CRYBG2: variants seen among roughly 807,000 people sequenced by gnomAD.
CRYBG2 encodes the protein crystallin beta-gamma domain containing 2.
Under a neutral mutation model 153.4 loss-of-function variants are expected in CRYBG2, and 106 were observed. That is an observed-to-expected ratio of 0.69 (90% CI 0.59 to 0.81). The LOEUF (loss-of-function observed/expected upper bound fraction) is 0.81. Ranked by LOEUF, CRYBG2 falls within the 30% of genes least tolerant of loss-of-function variation. The pLI is 0.00. For synonymous variants in CRYBG2, 851 were observed against 877.8 expected (o/e 0.97, Z 0.54); for missense variants, 1,996 against 2,112.0 (o/e 0.95, Z 1.08).
At position 26,336,980 on chromosome 1, in the gene CRYBG2, C is replaced by T. The variant is rs1307348533; in HGVS notation, c.3772G>A (p.Asp1258Asn). The change falls in exon 11 of 20, where the codon GAC becomes AAC. Residue 1258 changes from aspartate (D) to asparagine (N), a missense_variant and splice_region_variant. Asp to Asn is a conservative substitution (Grantham distance 23, BLOSUM62 1). Transcript: ENST00000308182. This position sits in a 1 kb window ranked among gnomAD's most constrained non-coding sequence, Gnocchi z 4.9. ...AGCACGACGGCCGGGTCCCCGAAGT[C>T]CTGGGTCCCCAGGGACAGTCAGGTC... ...LLTSLRVIRT[D>N]FGDPAVVLFE... is the part of the protein sequence containing the mutation. 1.2e-6 allele frequency: 2 copies of T among 1,613,582 alleles called. No homozygotes were observed. The highest frequency in any genetic ancestry group is 3.3e-5 in the Admixed American group (2 of 59,976).
chr1:26,344,297 T>C lies in CRYBG2; in HGVS notation c.2361A>G (p.Arg787=), dbSNP rs1394096602. The change falls in exon 2 of 20, where the codon CGA becomes CGG. Residue 787 remains arginine (R), a synonymous_variant. Transcript: ENST00000308182. ...TGGACAGGTAGGAGGAGCGAGGGGC[T>C]CGTGGCAGCCGGTGAGTGCGGAGGA... ...PEILRTHRLP[R]APRSSYLSMY... is the part of the protein sequence containing the mutation. 1 of 1,513,156 alleles carries C rather than the reference T, an allele frequency of 6.6e-7. No individual in the cohort carries two copies. The highest frequency in any genetic ancestry group is 8.8e-7 in the Non-Finnish European group (1 of 1,132,164). The allele number at this position is 1,513,156 out of a possible 1,614,324, so 93.7% of individuals were successfully genotyped here.
intron 17 of CRYBG2, 121 bp from the exon 18 acceptor site, chr1:26,324,431 C>T: frequency 1.9e-6 from 2 of 1,077,306 alleles, no homozygotes; most frequent in Non-Finnish European, 2.6e-6. Flanking sequence ...GTCCCCAAAC[C>T]TTCCTTGACT....
intron 5 of CRYBG2, among the ~76,000 whole-genome samples, chr1:26,341,751 G>T (rs1216667121): frequency 1.3e-5 from 2 of 152,146 alleles, no homozygotes; most frequent in African/African-American, 4.8e-5. Flanking sequence ...CTCCCAAAGT[G>T]CTGGGATTAT....
At chr1:26,352,848 A>C (rs1030974943) in intron 1 of CRYBG2, among the ~76,000 whole-genome samples, 1 of 149,654 alleles carries the variant, frequency 6.7e-6, no homozygotes, top group Admixed American at 6.8e-5. Context: ...GGGGCATCCA[A>C]GCAGGTCTCA....
At position 26,343,612 on chromosome 1, in the gene CRYBG2, T is replaced by A; in HGVS notation, c.2913+133A>T. ...CCCAGAGAGATGTGGCTTGCACAGG[T>A]CAACTGAACCAGACTTCAGACAGAA... On this transcript the variant is annotated intron_variant, in intron 2 of 19. Coordinates refer to ENST00000308182, the MANE Select transcript of CRYBG2 (RefSeq NM_001039775.4). This position sits in a 1 kb window ranked among gnomAD's most constrained non-coding sequence, Gnocchi z 4.1. The A allele has an allele frequency of 8.3e-7, 1 of 1,198,082 alleles. No individual in the cohort carries two copies. The highest frequency in any genetic ancestry group is 1.1e-6 in the Non-Finnish European group (1 of 888,190). 74.2% of individuals were successfully genotyped at this position (1,198,082 alleles called of 1,614,324 possible). A position where few individuals can be genotyped will look rare whatever the true frequency, so the allele number is the denominator to read the frequency against.
chr1:26,347,241 C>A (rs1389697447), intron 1 of CRYBG2, among the ~76,000 whole-genome samples: 1 of 147,022 alleles, frequency 6.8e-6, no homozygotes, highest in Admixed American at 6.9e-5. Context: ...AAACTGGAGT[C>A]TTGCCAGAGT....
rs1240307765 is a variant in CRYBG2, at chr1:26,338,373, C to T, written c.3449G>A (p.Gly1150Asp). 1.2e-6 allele frequency: 2 copies of T among 1,609,770 alleles called. No homozygotes were observed. The highest frequency in any genetic ancestry group is 1.7e-6 in the Non-Finnish European group (2 of 1,178,256). Residue 1150 changes from glycine (G) to aspartate (D), a missense_variant, in exon 7 of 20, where the codon GGC becomes GAC. Transcript: ENST00000308182. ...TACCAATCTCATGGGCTTCAGGGAG[C>T]CCACGCTGGGGTCCGATGTGCCCCA... is the stretch of plus-strand genomic sequence containing the variant. Reference protein sequence around the residue: ...EAWGTSDPSVGSLKPMRLGCP... With the variant: ...EAWGTSDPSVDSLKPMRLGCP...
chr1:26,329,507 T>C (rs959502435), intron 15 of CRYBG2, among the ~76,000 whole-genome samples: 12 of 147,050 alleles, frequency 8.2e-5, no homozygotes. Flanking sequence ...TGAGATAGGG[T>C]CTCGCTCTGT....
rs144616589 is a variant in CRYBG2, at chr1:26,323,992, G to A, written c.4737+160C>T. Among the ~76,000 whole-genome samples, 55 of 152,290 alleles carry A rather than the reference G, an allele frequency of 3.6e-4. No individual in the cohort carries two copies. The East Asian group carries it at 0.01, about 28-fold the overall frequency. On this transcript the variant is annotated intron_variant, in intron 18 of 19. Transcript: ENST00000308182. ...TTTACAGACTGGGGCCCAGAGAAGA[G>A]CACGACTTGCCCAGGGGGAACAGTC... is the stretch of plus-strand genomic sequence containing the variant.
chr1:26,322,400 C>A, intron 18 of CRYBG2, 77 bp from the exon 19 acceptor site: 1 of 1,495,308 alleles, frequency 6.7e-7, no homozygotes. Flanking sequence ...CTTGACCCAT[C>A]TGCTCTGAAT....
Position 26,344,207 on chromosome 1 carries a change from G to A in CRYBG2, c.2451C>T (p.Pro817=), listed in dbSNP as rs1414544268. ...TCTCTTCCAGTGAAGGCACCTCCTG[G>A]GGTCCGGGGCCCAGCACCCATGGCC... is the stretch of plus-strand genomic sequence containing the variant. The part of the protein sequence containing the change: ...QLGPWVLGPG[P]QEVPSLEEKE... Residue 817 remains proline (P), a synonymous_variant, in exon 2 of 20, where the codon CCC becomes CCT. Coordinates refer to ENST00000308182, the MANE Select transcript of CRYBG2 (RefSeq NM_001039775.4). The A allele has an allele frequency of 4.0e-5, 61 of 1,535,628 alleles. No homozygotes were observed. Among genetic ancestry groups the A allele is most frequent in the Non-Finnish European group, 5.2e-5 (60 of 1,146,652 alleles).
intron 5 of CRYBG2, 33 bp from the exon 6 acceptor site, chr1:26,339,462 A>T: frequency 6.2e-7 from 1 of 1,611,254 alleles, no homozygotes; most frequent in Non-Finnish European, 8.5e-7. Flanking sequence ...AAATATAGAT[A>T]AACAGCCAGG....
rs760305735 is a variant in CRYBG2, at chr1:26,343,826, C to T, written c.2832G>A (p.Val944=). The T allele has an allele frequency of 2.7e-6, 4 of 1,466,652 alleles. No homozygotes were observed. The South Asian group carries it at 5.7e-5, about 21-fold the overall frequency. The allele number at this position is 1,466,652 out of a possible 1,614,324, so 90.9% of individuals were successfully genotyped here. Reference sequence around the variant, plus strand: ...TGCAAAGCAGGGGCAACTGTCCTGGCACCTTCCTGAGCCCCGGTGCCCCAT... The same window carrying T: ...TGCAAAGCAGGGGCAACTGTCCTGGTACCTTCCTGAGCCCCGGTGCCCCAT... The part of the protein sequence containing the change: ...LPHGAPGLRK[V]PGQLPLLCSE... Residue 944 remains valine (V), a synonymous_variant, in exon 2 of 20, where the codon GTG becomes GTA. Transcript: ENST00000308182. The surrounding 1 kb of genome is among the most constrained non-coding windows in gnomAD (Gnocchi z 4.1).
At chr1:26,327,969 AAG>A (rs2124693926) in intron 17 of CRYBG2, among the ~76,000 whole-genome samples, 1 of 151,910 alleles carries the variant, frequency 6.6e-6, no homozygotes, top group African/African-American at 2.4e-5. Context: ...AAGAAAAAGA[AAG>A]AGAAAAAAAA....
In CRYBG2 at chr1:26,324,328, C is replaced by T; in HGVS notation, c.4579-18G>A. ...ACCCGGCGCTGGTGGCAGAAAGAGG[C>T]TGAGAGTCAGGGGTGCCGGGGAGGG... is the stretch of plus-strand genomic sequence containing the variant. On this transcript the variant is annotated intron_variant, in intron 17 of 19. Transcript: ENST00000308182. 7 of 1,593,600 alleles carry T rather than the reference C, an allele frequency of 4.4e-6. No homozygotes were observed. The highest frequency in any genetic ancestry group is 6.0e-6 in the Non-Finnish European group (7 of 1,173,252).
Position 26,346,028 on chromosome 1 carries a change from G to A in CRYBG2, c.630C>T (p.Gly210=). 6.3e-7 allele frequency: 1 copy of A among 1,593,150 alleles called. No individual in the cohort carries two copies. The highest frequency in any genetic ancestry group is 8.5e-7 in the Non-Finnish European group (1 of 1,177,096). The change falls in exon 2 of 20, where the codon GGC becomes GGT. Residue 210 remains glycine (G), a synonymous_variant. Coordinates refer to ENST00000308182, the MANE Select transcript of CRYBG2 (RefSeq NM_001039775.4). The surrounding 1 kb of genome is among the most constrained non-coding windows in gnomAD (Gnocchi z 4.9). ...PVSSGEALPR[G]RQVSRMVPPV... is the part of the protein sequence containing the mutation. Reference sequence around the variant, plus strand: ...GCGGCACCATGCGGGAGACCTGACGGCCCCGTGGCAGGGCCTCGCCTGAGG... The same window carrying A: ...GCGGCACCATGCGGGAGACCTGACGACCCCGTGGCAGGGCCTCGCCTGAGG...
rs1393642045 is a variant in CRYBG2 at position 26,345,833 on chromosome 1, C to T, written c.825G>A (p.Arg275=). ...CTGCTGTCCCGGTCTCAGGCAGCTG[C>T]CTCAAGGCTGCCCCCACTGTGCTGC... is the stretch of plus-strand genomic sequence containing the variant. The part of the protein sequence containing the change: ...GLGSTVGAAL[R]QLPETGTAEL... Residue 275 remains arginine (R), a synonymous_variant, in exon 2 of 20, where the codon AGG becomes AGA. Coordinates refer to ENST00000308182, the MANE Select transcript of CRYBG2 (RefSeq NM_001039775.4). 6.3e-7 allele frequency: 1 copy of T among 1,596,634 alleles called. No homozygotes were observed. The highest frequency in any genetic ancestry group is 8.5e-7 in the Non-Finnish European group (1 of 1,179,190).
rs1239259315 is a variant in CRYBG2, at chr1:26,339,417, G to A, written c.3217C>T (p.Pro1073Ser). ...TCCTCAGAGAAGAGGCTGATTTCCG[G>A]GGTGCTGTAGTCCTGTGGAAGGAGG... ...LRRVVWDYSTPEISLFSEEGL... is the reference protein window; with the variant it reads ...LRRVVWDYSTSEISLFSEEGL... Residue 1073 changes from proline (P) to serine (S), a missense_variant, in exon 6 of 20, where the codon CCG (proline) becomes TCG (serine). Transcript: ENST00000308182. 1.9e-6 allele frequency: 3 copies of A among 1,613,966 alleles called. No individual in the cohort carries two copies. Among genetic ancestry groups the A allele is most frequent in the African/African-American group, 1.3e-5 (1 of 74,930 alleles).
intron 8 of CRYBG2, 31 bp downstream of exon 8, chr1:26,337,980 GC>G: frequency 6.2e-7 from 1 of 1,609,860 alleles, no homozygotes; most frequent in Non-Finnish European, 8.5e-7. Flanking sequence ...GCCACCAAAG[GC>G]CCTCTTTGGC....
Sources: allele counts gnomAD v4.1 joint callset (sites outside exome capture counted in the v4.1 genomes callset), GRCh38; gene constraint gnomAD v4.1.1; non-coding constraint Gnocchi (gnomAD v3.1); transcripts MANE v1.5; gene names NCBI Gene and HGNC (gene_info 2026-07-23, HGNC 2026-07-21).